Variants in EXOC6B observed in about 807,000 individuals in gnomAD.
The protein encoded by EXOC6B is SEC15 homolog B.
In EXOC6B, 54 loss-of-function variants were observed where a neutral mutation model predicts 113.5. The observed-to-expected ratio is 0.48, with a 90% CI of 0.38 to 0.60. EXOC6B has a LOEUF of 0.60. EXOC6B is among the 20% of genes least tolerant of loss of function. The probability of loss-of-function intolerance (pLI) is 0.00; values close to 1 mark genes in which losing one functional copy is unlikely to be tolerated. For synonymous variants in EXOC6B, 357 were observed against 339.0 expected, an observed-to-expected ratio of 1.05 and a Z score of -0.58; for missense variants, 797 against 977.5, an observed-to-expected ratio of 0.82 and a Z score of 2.46.
chr2:72,214,381 C>T (rs149664630), intron 20 of EXOC6B, among the ~76,000 whole-genome samples: 21,262 of 151,508 alleles, frequency 0.14, 1,578 homozygotes, highest in Admixed American at 0.17. Flanking sequence ...GTCCCAGCTA[C>T]TCGGGAGGCT....
rs186154119 is a variant in EXOC6B, at chr2:72,537,005, T to C, written c.916-21879A>G. ...TTCATCATAAAGGTCTTGTACATATTTTAGGTTAATTTCTATGTAACCTCT... is the reference window on the plus strand; with the variant it reads ...TTCATCATAAAGGTCTTGTACATATCTTAGGTTAATTTCTATGTAACCTCT... On this transcript the variant is annotated intron_variant, in intron 8 of 21. Coordinates refer to ENST00000272427, the MANE Select transcript of EXOC6B (RefSeq NM_015189.3). Among the ~76,000 whole-genome samples the C allele has an allele frequency of 3.9e-4, 59 of 152,368 alleles. 1 individual carries two copies. In the South Asian group the frequency reaches 4.3e-3, roughly 11 times the overall value.
intron 6 of EXOC6B, among the ~76,000 whole-genome samples, chr2:72,650,155 C>G (rs1674055289): frequency 6.6e-6 from 1 of 152,178 alleles, no homozygotes; most frequent in East Asian, 1.9e-4. Flanking sequence ...TCTGAGGGAT[C>G]TAGGTTGTGT....
intron 18 of EXOC6B, among the ~76,000 whole-genome samples, chr2:72,395,644 A>G (rs535991317): frequency 3.9e-5 from 6 of 152,304 alleles, no homozygotes; most frequent in African/African-American, 1.4e-4. Context: ...AAAACAAGAT[A>G]GGACTAAAAA....
chr2:72,773,806 C>CA (rs1317218517), intron 1 of EXOC6B, among the ~76,000 whole-genome samples: 1 of 152,130 alleles, frequency 6.6e-6, no homozygotes, highest in Non-Finnish European at 1.5e-5. Flanking sequence ...TGGCAATGCG[C>CA]AGTTTTGGTT....
intron 18 of EXOC6B, among the ~76,000 whole-genome samples, chr2:72,408,951 T>G (rs1423865916): frequency 6.6e-6 from 1 of 151,990 alleles, no homozygotes; most frequent in African/African-American, 2.4e-5. Context: ...GGGAGAAAAT[T>G]TTCGCAACCT....
intron 11 of EXOC6B, among the ~76,000 whole-genome samples, chr2:72,511,539 T>C (rs2105659417): frequency 6.6e-6 from 1 of 152,130 alleles, no homozygotes; most frequent in East Asian, 1.9e-4. Flanking sequence ...ACTAGCCTAG[T>C]AATTGTTTTT....
intron 20 of EXOC6B, among the ~76,000 whole-genome samples, chr2:72,212,356 A>G (rs928616935): frequency 6.6e-6 from 1 of 152,202 alleles, no homozygotes; most frequent in Non-Finnish European, 1.5e-5. Flanking sequence ...AATTACTAAC[A>G]TATCATAGAG....
intron 6 of EXOC6B, among the ~76,000 whole-genome samples, chr2:72,603,603 T>C (rs148626881): frequency 6.6e-6 from 1 of 152,214 alleles, no homozygotes; most frequent in East Asian, 1.9e-4. Flanking sequence ...GTCTCAAAGC[T>C]CTTAACTTTA....
intron 8 of EXOC6B, among the ~76,000 whole-genome samples, chr2:72,559,199 C>G (rs1196745550): frequency 6.6e-6 from 1 of 152,054 alleles, no homozygotes; most frequent in Non-Finnish European, 1.5e-5. Flanking sequence ...AAACTAAAAA[C>G]AGAAATCTGG....
chr2:72,717,959 T>C lies in EXOC6B; in HGVS notation c.669+144A>G, dbSNP rs937699078. 3.8e-5 allele frequency: 22 copies of C among 579,456 alleles called. 1 individual carries two copies. The South Asian group carries it at 6.2e-4, about 16-fold the overall frequency. The allele number at this position is 579,456 out of a possible 1,614,324, so 35.9% of individuals were successfully genotyped here. On this transcript the variant is annotated intron_variant, in intron 6 of 21. Transcript: ENST00000272427. ...AAAAAAATGAAAACATTTTTAATCATATGTTTCCATAAATATGAAGGACTT... is the reference window on the plus strand; with the variant it reads ...AAAAAAATGAAAACATTTTTAATCACATGTTTCCATAAATATGAAGGACTT...
At chr2:72,373,150 C>A (rs939753389) in intron 19 of EXOC6B, among the ~76,000 whole-genome samples, 1 of 150,192 alleles carries the variant, frequency 6.7e-6, no homozygotes, top group Non-Finnish European at 1.5e-5. Flanking sequence ...CTCACTGCAA[C>A]CTCCACCTCC....
At chr2:72,732,177 T>C (rs1420299776) in intron 3 of EXOC6B, among the ~76,000 whole-genome samples, 1 of 152,148 alleles carries the variant, frequency 6.6e-6, no homozygotes, top group Non-Finnish European at 1.5e-5. Context: ...AGATGGGGTC[T>C]CCCTTTGTCA....
At chr2:72,316,328 A>G (rs1000884764) in intron 20 of EXOC6B, among the ~76,000 whole-genome samples, 1 of 152,166 alleles carries the variant, frequency 6.6e-6, no homozygotes, top group African/African-American at 2.4e-5. Flanking sequence ...TGAACCATCT[A>G]GCTGCATGGA....
chr2:72,275,261 A>G (rs540019234), intron 20 of EXOC6B, among the ~76,000 whole-genome samples: 24 of 152,318 alleles, frequency 1.6e-4, no homozygotes, highest in African/African-American at 5.8e-4. Context: ...CCTGTCATTA[A>G]CAATGCTAAG....
At chr2:72,499,709 T>C (rs1453356029) in intron 12 of EXOC6B, among the ~76,000 whole-genome samples, 192 bp downstream of exon 12, 1 of 151,980 alleles carries the variant, frequency 6.6e-6, no homozygotes, top group Non-Finnish European at 1.5e-5. Flanking sequence ...TATGTTTTTA[T>C]TTTTTGTATA....
chr2:72,776,684 A>T (rs567022573), intron 1 of EXOC6B, among the ~76,000 whole-genome samples: 112 of 152,248 alleles, frequency 7.4e-4, no homozygotes, highest in African/African-American at 2.5e-3. Context: ...ATAGACAACA[A>T]AATGGGGAGA....
chr2:72,180,265 T>C (rs1677998578), intron 21 of EXOC6B, among the ~76,000 whole-genome samples: 1 of 152,228 alleles, frequency 6.6e-6, no homozygotes, highest in South Asian at 2.1e-4. Context: ...TGGGTAATTC[T>C]GGCCAGTGGT....
rs368898383 is a variant in EXOC6B, at chr2:72,465,192, G to C, written c.1948C>G (p.Arg650Gly). 3.1e-6 allele frequency: 5 copies of C among 1,612,008 alleles called. No individual in the cohort carries two copies. Among genetic ancestry groups the C allele is most frequent in the African/African-American group, 2.7e-5 (2 of 74,888 alleles). ...TGTGTGAATACAGCAAAGGTGCTAC[G>C]AAGAAAGGCAATGAGGTCTACCAGG... Reference protein sequence around the residue: ...DYLVDLIAFLRSTFAVFTHLP... With the variant: ...DYLVDLIAFLGSTFAVFTHLP... The change falls in exon 18 of 22, where the codon CGT becomes GGT. Residue 650 changes from arginine to glycine, a missense_variant. Physicochemically the swap from Arg to Gly is moderately radical, Grantham distance 125 (BLOSUM62 -2). Transcript: ENST00000272427.
At chr2:72,388,688 T>G (rs1558618031) in intron 18 of EXOC6B, among the ~76,000 whole-genome samples, 1 of 152,162 alleles carries the variant, frequency 6.6e-6, no homozygotes, top group Non-Finnish European at 1.5e-5. Context: ...ATTTGTCTAT[T>G]CATCTTTTCA....
Sources: gnomAD v4.1 joint callset for allele counts (sites outside exome capture counted in the v4.1 genomes callset) on GRCh38, gnomAD v4.1.1 for gene constraint, MANE v1.5 for transcripts, NCBI Gene and HGNC (gene_info 2026-07-23, HGNC 2026-07-21) for gene names.